DENND1B: variants seen among roughly 807,000 people sequenced by gnomAD.
DENND1B encodes the protein DENN domain containing 1B.
A neutral mutation model predicts 90.1 loss-of-function variants in DENND1B; 59 were observed. The observed-to-expected ratio is 0.65, with a 90% CI of 0.53 to 0.81. The LOEUF is 0.81. Among genes scored for constraint, DENND1B ranks in the 40% least tolerant of loss-of-function variants. The pLI is 0.00. For missense variants in DENND1B, 862 were observed against 912.6 expected, an observed-to-expected ratio of 0.94 and a Z score of 0.71; for synonymous variants, 337 against 324.6, an observed-to-expected ratio of 1.04 and a Z score of -0.41.
chr1:197,642,102 A>G (rs950477052), intron 10 of DENND1B, among the ~76,000 whole-genome samples: 6 of 152,154 alleles, frequency 3.9e-5, no homozygotes, highest in Non-Finnish European at 5.9e-5. Flanking sequence ...ATATTTTTCT[A>G]TGACCCAAGA....
At position 197,639,667 on chromosome 1, in the gene DENND1B, CATT is replaced by C. The variant is rs546213455; in HGVS notation, c.672+3041_672+3043del. Among the ~76,000 whole-genome samples the C allele has an allele frequency of 4.9e-4, 75 of 152,056 alleles. No individual in the cohort carries two copies. The South Asian group carries it at 7.3e-3, about 15-fold the overall frequency. On this transcript the variant is annotated intron_variant, in intron 10 of 22. Coordinates refer to ENST00000620048, the MANE Select transcript of DENND1B (RefSeq NM_001195215.2). ...AAACGTTAATTTCGAACATTAAACA[CATT>C]ATAGTCTCCGTGATATATAAAAATA...
chr1:197,637,725 T>C (rs1231074176), intron 10 of DENND1B, among the ~76,000 whole-genome samples: 3 of 152,188 alleles, frequency 2.0e-5, no homozygotes, highest in Non-Finnish European at 2.9e-5. Flanking sequence ...CATAACTGGT[T>C]GCTTACGGGT....
intron 13 of DENND1B, chr1:197,606,766 C>T (rs1676720397): frequency 4.9e-6 from 1 of 203,000 alleles, no homozygotes; most frequent in Admixed American, 6.1e-5. Flanking sequence ...ACAGAAATGC[C>T]TACTTTGTAA....
intron 6 of DENND1B, among the ~76,000 whole-genome samples, chr1:197,653,428 C>T (rs1653457163): frequency 6.6e-6 from 1 of 152,038 alleles, no homozygotes; most frequent in Non-Finnish European, 1.5e-5. Flanking sequence ...ATACAAAGTT[C>T]TTATAGGTAT....
chr1:197,622,674 T>C (rs568387358), intron 10 of DENND1B, among the ~76,000 whole-genome samples: 3 of 151,378 alleles, frequency 2.0e-5, no homozygotes, highest in South Asian at 4.2e-4. Flanking sequence ...AAACAGACTC[T>C]CCCAGAAAAT....
At chr1:197,624,069 G>A (rs1013130413) in intron 10 of DENND1B, among the ~76,000 whole-genome samples, 2 of 151,498 alleles carry the variant, frequency 1.3e-5, no homozygotes, top group Non-Finnish European at 3.0e-5. Flanking sequence ...AAAACAAGAA[G>A]GTGATTCTAA....
chr1:197,677,276 C>T (rs1428343941), intron 3 of DENND1B, among the ~76,000 whole-genome samples: 1 of 152,146 alleles, frequency 6.6e-6, no homozygotes, highest in Non-Finnish European at 1.5e-5. Context: ...ACAGTTTCAA[C>T]TACAACTACT....
At chr1:197,772,818 TC>T (rs200977701) in intron 2 of DENND1B, 49 bp downstream of exon 2, 418 of 1,399,166 alleles carry the variant, frequency 3.0e-4, no homozygotes, top group Admixed American at 3.9e-4. Flanking sequence ...TGAGATCTTG[TC>T]CCAAAAAAAA....
chr1:197,702,571 T>C (rs1659144381), intron 3 of DENND1B, among the ~76,000 whole-genome samples: 2 of 152,214 alleles, frequency 1.3e-5, no homozygotes, highest in African/African-American at 4.8e-5. Context: ...ACTTAATCAA[T>C]GGATAATTCC....
At chr1:197,530,443 T>C (rs1669533099) in intron 20 of DENND1B, among the ~76,000 whole-genome samples, 1 of 152,196 alleles carries the variant, frequency 6.6e-6, no homozygotes, top group African/African-American at 2.4e-5. Context: ...GTGAAGACTA[T>C]ACTCAATTTT....
At chr1:197,628,794 A>G (rs1679040730) in intron 10 of DENND1B, among the ~76,000 whole-genome samples, 1 of 152,102 alleles carries the variant, frequency 6.6e-6, no homozygotes, top group South Asian at 2.1e-4. Context: ...AAGGGCTAAT[A>G]TCCAGAATCT....
chr1:197,751,332 G>C (rs184791510), intron 2 of DENND1B, among the ~76,000 whole-genome samples: 8 of 151,964 alleles, frequency 5.3e-5, no homozygotes, highest in Non-Finnish European at 5.9e-5. Context: ...AATAACCCAC[G>C]GATCAAGAAA....
intron 6 of DENND1B, among the ~76,000 whole-genome samples, chr1:197,654,809 A>G (rs1653632019): frequency 6.6e-6 from 1 of 152,166 alleles, no homozygotes; most frequent in South Asian, 2.1e-4. Flanking sequence ...CAGCTGATTT[A>G]TCAAAATCAT....
chr1:197,734,145 T>C lies in DENND1B; in HGVS notation c.83-19071A>G, dbSNP rs1484219925. On this transcript the variant is annotated intron_variant, in intron 2 of 22. Coordinates refer to ENST00000620048, the MANE Select transcript of DENND1B (RefSeq NM_001195215.2). The stretch of plus-strand genomic sequence containing the variant: ...AAACTGTCATATCTTTTCATATTCC[T>C]GAATAAGTTTTAAAATATTGAACAG... 3 of 921,464 alleles carry C rather than the reference T, an allele frequency of 3.3e-6. No homozygotes were observed. In the Admixed American group the frequency reaches 1.9e-4, roughly 57 times the overall value. 57.1% of individuals were successfully genotyped at this position (921,464 alleles called of 1,614,324 possible). A position where few individuals can be genotyped will look rare whatever the true frequency, so the allele number is the denominator to read the frequency against.
At chr1:197,736,043 C>A in intron 2 of DENND1B, 1 of 904,674 alleles carries the variant, frequency 1.1e-6, no homozygotes, top group Non-Finnish European at 1.8e-6. Flanking sequence ...CCTACAAAGG[C>A]AGCACCTAAG....
chr1:197,644,712 C>A (rs1248404446), intron 9 of DENND1B, among the ~76,000 whole-genome samples: 2 of 152,148 alleles, frequency 1.3e-5, no homozygotes, highest in African/African-American at 2.4e-5. Flanking sequence ...TCCATCTGTA[C>A]TGAAAACACC....
At chr1:197,740,381 C>A (rs57798899) in intron 2 of DENND1B, among the ~76,000 whole-genome samples, 2,254 of 151,842 alleles carry the variant, frequency 0.015, 58 homozygotes, top group African/African-American at 0.052. Context: ...GGGTCCCTGG[C>A]AAGTCTTTTA....
intron 10 of DENND1B, among the ~76,000 whole-genome samples, chr1:197,628,065 G>A (rs374007390): frequency 2.6e-5 from 4 of 151,950 alleles, no homozygotes; most frequent in African/African-American, 7.2e-5. Flanking sequence ...GCTCATGGGT[G>A]GGAAGAATCA....
intron 2 of DENND1B, among the ~76,000 whole-genome samples, chr1:197,756,325 A>C (rs536580407): frequency 3.3e-5 from 5 of 152,308 alleles, no homozygotes; most frequent in African/African-American, 1.2e-4. Flanking sequence ...CTGTAATCCC[A>C]GCAGTCTGGG....
Sources: allele counts gnomAD v4.1 joint callset (sites outside exome capture counted in the v4.1 genomes callset), GRCh38; gene constraint gnomAD v4.1.1; transcripts MANE v1.5; gene names NCBI Gene and HGNC (gene_info 2026-07-23, HGNC 2026-07-21).